ASTN2: variants seen among roughly 807,000 people sequenced by gnomAD.
ASTN2 encodes astrotactin 2.
In ASTN2, 54 loss-of-function variants were observed where a neutral mutation model predicts 139.8. That is an observed-to-expected ratio of 0.39 (90% CI 0.31 to 0.48). ASTN2 has a LOEUF of 0.48. Among genes scored for constraint, ASTN2 ranks in the 20% least tolerant of loss-of-function variants. The pLI, the probability that ASTN2 is intolerant of heterozygous loss-of-function variation, is 0.95. For missense variants in ASTN2, 1,565 were observed against 1,725.1 expected (o/e 0.91, Z 1.64); for synonymous variants, 756 against 719.5 (o/e 1.05, Z -0.81).
intron 4 of ASTN2, among the ~76,000 whole-genome samples, chr9:117,135,924 T>C (rs1480303483): frequency 6.6e-6 from 1 of 151,890 alleles, no homozygotes; most frequent in South Asian, 2.1e-4. Context: ...TAGGACACAA[T>C]GGGTTGGGGG....
chr9:116,883,716 G>A (rs1833515923), intron 10 of ASTN2, among the ~76,000 whole-genome samples: 1 of 152,204 alleles, frequency 6.6e-6, no homozygotes, highest in South Asian at 2.1e-4. Context: ...ACTCTTGAAA[G>A]TTCTTCCAGG....
chr9:117,011,855 C>T lies in ASTN2; in HGVS notation c.1424-3596G>A, dbSNP rs150376824. Among the ~76,000 whole-genome samples, 82 of 152,276 alleles carry T rather than the reference C, an allele frequency of 5.4e-4. 1 individual carries two copies. Among genetic ancestry groups the T allele is most frequent in the African/African-American group, 1.9e-3 (79 of 41,558 alleles). ...TCAGCCTTCGAAGCTGGAACATTTG[C>T]CTTTCTTCAAGCTATCTTGAGGCTC... is the stretch of plus-strand genomic sequence containing the variant. On this transcript the variant is annotated intron_variant, in intron 6 of 22. Coordinates refer to ENST00000313400, the MANE Select transcript of ASTN2 (RefSeq NM_001365068.1).
At chr9:116,795,168 C>T (rs1267948670) in intron 13 of ASTN2, among the ~76,000 whole-genome samples, 2 of 152,066 alleles carry the variant, frequency 1.3e-5, no homozygotes, top group East Asian at 3.9e-4. Flanking sequence ...TTAATAGAGA[C>T]GTGGTTTCAC....
chr9:117,143,059 A>T (rs1356339837), intron 3 of ASTN2, among the ~76,000 whole-genome samples: 1 of 152,224 alleles, frequency 6.6e-6, no homozygotes, highest in African/African-American at 2.4e-5. Flanking sequence ...CAGGTTAGAC[A>T]GATGTGTCTG....
intron 1 of ASTN2, among the ~76,000 whole-genome samples, chr9:117,345,929 T>C (rs1035027739): frequency 6.6e-5 from 10 of 151,606 alleles, no homozygotes; most frequent in Admixed American, 5.3e-4. Context: ...CTATCCACTA[T>C]TAAGGTTTTC....
chr9:116,908,417 AG>A (rs1216935064), intron 10 of ASTN2, among the ~76,000 whole-genome samples: 2 of 152,132 alleles, frequency 1.3e-5, no homozygotes, highest in East Asian at 3.9e-4. Context: ...ATAAATTCTT[AG>A]TACAGAACCT....
chr9:116,451,531 A>G (rs971133965), intron 20 of ASTN2, among the ~76,000 whole-genome samples: 30 of 152,204 alleles, frequency 2.0e-4, no homozygotes, highest in Middle Eastern at 3.4e-3. Flanking sequence ...AAGAAATGGG[A>G]CACAGTACTA....
intron 10 of ASTN2, among the ~76,000 whole-genome samples, chr9:116,939,025 G>A (rs1453958698): frequency 1.3e-5 from 2 of 152,198 alleles, no homozygotes; most frequent in Non-Finnish European, 2.9e-5. Context: ...AGAAAGATGT[G>A]TGAAACAGTA....
intron 20 of ASTN2, among the ~76,000 whole-genome samples, chr9:116,446,134 G>A (rs191552009): frequency 1.3e-5 from 2 of 151,712 alleles, no homozygotes; most frequent in Admixed American, 6.6e-5. Context: ...TGAGAAGTTG[G>A]GGGGGGACAG....
intron 1 of ASTN2, among the ~76,000 whole-genome samples, chr9:117,389,432 A>G (rs1000158467): frequency 1.3e-5 from 2 of 152,152 alleles, no homozygotes; most frequent in Non-Finnish European, 2.9e-5. Flanking sequence ...TAAACTCAGG[A>G]CTCAGGCCAC....
chr9:117,223,264 A>G (rs893411305), intron 2 of ASTN2, among the ~76,000 whole-genome samples: 2 of 152,124 alleles, frequency 1.3e-5, no homozygotes, highest in African/African-American at 4.8e-5. Context: ...GCATTTGGTA[A>G]TAGAGACATT....
chr9:116,563,914 A>G (rs573217202), intron 19 of ASTN2, among the ~76,000 whole-genome samples: 1 of 152,192 alleles, frequency 6.6e-6, no homozygotes, highest in African/African-American at 2.4e-5. Flanking sequence ...CTCAATAGAT[A>G]TTTGTTGAAT....
chr9:117,086,383 G>C (rs1828560472), intron 5 of ASTN2, among the ~76,000 whole-genome samples: 1 of 152,092 alleles, frequency 6.6e-6, no homozygotes, highest in Non-Finnish European at 1.5e-5. Context: ...GACCATCCTG[G>C]CTAACATGGT....
chr9:116,452,786 T>G (rs1848213636), intron 20 of ASTN2, among the ~76,000 whole-genome samples: 1 of 152,200 alleles, frequency 6.6e-6, no homozygotes, highest in Non-Finnish European at 1.5e-5. Context: ...AAGTGGGTCT[T>G]GAGTCACAGT....
intron 4 of ASTN2, among the ~76,000 whole-genome samples, chr9:117,111,963 TA>T (rs1474739915): frequency 6.6e-6 from 1 of 151,810 alleles, no homozygotes; most frequent in Non-Finnish European, 1.5e-5. Context: ...AAATGGTAAA[TA>T]TACAAAAGTT....
chr9:116,520,481 G>C (rs528306626), intron 19 of ASTN2, among the ~76,000 whole-genome samples: 2 of 151,918 alleles, frequency 1.3e-5, no homozygotes, highest in Non-Finnish European at 2.9e-5. Flanking sequence ...CAGCAAAATC[G>C]GCATAGAAGG....
intron 2 of ASTN2, among the ~76,000 whole-genome samples, chr9:117,274,344 C>T (rs10983600): frequency 0.26 from 38,657 of 151,388 alleles, 5,030 homozygotes; most frequent in South Asian, 0.38. Flanking sequence ...AGCGAGACTC[C>T]GTCTCAAAAA....
intron 19 of ASTN2, among the ~76,000 whole-genome samples, chr9:116,579,649 GGT>G (rs1853867958): frequency 6.6e-6 from 1 of 152,162 alleles, no homozygotes; most frequent in Non-Finnish European, 1.5e-5. Context: ...GAGAGGCTGA[GGT>G]GGGAGAATCA....
At chr9:117,411,446 CAAAAAAAAAAAA>C (rs199996219) in intron 1 of ASTN2, among the ~76,000 whole-genome samples, 2 of 43,224 alleles carry the variant, frequency 4.6e-5, no homozygotes, top group Non-Finnish European at 9.3e-5. Context: ...AAAGGATCTG[CAAAAAAAAAAAA>C]AAAAAAAAAA....
Sources: allele counts gnomAD v4.1 joint callset (sites outside exome capture counted in the v4.1 genomes callset), GRCh38; gene constraint gnomAD v4.1.1; transcripts MANE v1.5; gene names NCBI Gene and HGNC (gene_info 2026-07-23, HGNC 2026-07-21).